Variants in RNF8 observed in about 807,000 individuals in gnomAD.
The protein encoded by RNF8 is E3 ubiquitin-protein ligase RNF8.
In RNF8, 8 loss-of-function variants were observed where a neutral mutation model predicts 59.3. The observed-to-expected ratio is 0.13, with a 90% confidence interval of 0.08 to 0.24. The LOEUF (loss-of-function observed/expected upper bound fraction) is 0.24, where lower values mean the gene tolerates loss of function less well. Among genes scored for constraint, RNF8 ranks in the 10% least tolerant of loss-of-function variants. The probability of loss-of-function intolerance (pLI) is 1.00; values close to 1 mark genes in which losing one functional copy is unlikely to be tolerated. For synonymous variants in RNF8, 162 were observed against 200.0 expected (o/e 0.81, Z 1.60); for missense variants, 406 against 572.6 (o/e 0.71, Z 2.97).
intron 7 of RNF8, among the ~76,000 whole-genome samples, chr6:37,382,366 A>G (rs1047158464): frequency 6.6e-6 from 1 of 152,208 alleles, no homozygotes; most frequent in African/African-American, 2.4e-5. Context: ...GAGAGGCAGT[A>G]GCACAAGCAA....
rs989552869 is a variant in RNF8 at position 37,359,922 on chromosome 6, A to G, written c.112-524A>G. 1.1e-4 allele frequency among the ~76,000 whole-genome samples: 16 copies of G among 152,380 alleles called. No individual in the cohort carries two copies. In the South Asian group the frequency reaches 2.7e-3, roughly 26 times the overall value. ...GCCCATCCCCTGGGAGTTAAGTTGA[A>G]GTAACTGGGAATACAGAACCAGGAA... On this transcript the variant is annotated intron_variant, in intron 1 of 7. Coordinates refer to ENST00000373479, the MANE Select transcript of RNF8 (RefSeq NM_003958.4).
At chr6:37,363,408 A>G (rs1769406225) in intron 2 of RNF8, among the ~76,000 whole-genome samples, 1 of 152,258 alleles carries the variant, frequency 6.6e-6, no homozygotes, top group Non-Finnish European at 1.5e-5. Context: ...TGAAGGGTTT[A>G]TACTGAGGTA....
chr6:37,363,899 G>A (rs1277544978), intron 2 of RNF8, among the ~76,000 whole-genome samples: 1 of 152,072 alleles, frequency 6.6e-6, no homozygotes, highest in East Asian at 1.9e-4. Context: ...GTGAAAGAAG[G>A]CTGGGCGCTG....
At chr6:37,372,710 C>G (rs1223005490) in intron 4 of RNF8, among the ~76,000 whole-genome samples, 1 of 152,246 alleles carries the variant, frequency 6.6e-6, no homozygotes, top group Non-Finnish European at 1.5e-5. Context: ...TGGCTCACGC[C>G]TGTAATCCCG....
chr6:37,370,188 C>G (rs934086692), intron 3 of RNF8: 29 of 152,176 alleles, frequency 1.9e-4, no homozygotes, highest in Admixed American at 1.9e-3. Flanking sequence ...TGGCTTATTT[C>G]TGAGCAATTT....
chr6:37,354,690 G>A (rs2113810839), intron 1 of RNF8, among the ~76,000 whole-genome samples: 1 of 151,704 alleles, frequency 6.6e-6, no homozygotes, highest in East Asian at 2.0e-4. Flanking sequence ...GGACGCGCAG[G>A]GAACGTGAGG....
Position 37,368,473 on chromosome 6 carries a change from A to G in RNF8, c.241-11A>G, listed in dbSNP as rs1240955795. On this transcript the variant is annotated splice_polypyrimidine_tract_variant and intron_variant, in intron 2 of 7. Coordinates refer to ENST00000373479, the MANE Select transcript of RNF8 (RefSeq NM_003958.4). The stretch of plus-strand genomic sequence containing the variant: ...ATGAAGCTTATTTCTTCTTTCTTTC[A>G]CTTTCCCCAGAGTCTAAATGGTGTT... 3.1e-6 allele frequency: 5 copies of G among 1,614,054 alleles called. No individual in the cohort carries two copies. Among genetic ancestry groups the G allele is most frequent in the Non-Finnish European group, 4.2e-6 (5 of 1,180,034 alleles).
At chr6:37,381,378 C>A (rs372977706) in intron 7 of RNF8, 24 bp downstream of exon 7, 468 of 1,599,972 alleles carry the variant, frequency 2.9e-4, no homozygotes, top group Non-Finnish European at 3.9e-4. Context: ...AGAATTCCTA[C>A]CCCTCAAGAA....
At position 37,365,111 on chromosome 6, in the gene RNF8, A is replaced by C. The variant is rs1400552408; in HGVS notation, c.241-3373A>C. ...TATTCACCAAAAACTGGGAAAAAAA[A>C]CAACTAGGGAATGGATAAACTGTGC... On this transcript the variant is annotated intron_variant, in intron 2 of 7. Coordinates refer to ENST00000373479, the MANE Select transcript of RNF8 (RefSeq NM_003958.4). Among the ~76,000 whole-genome samples the C allele has an allele frequency of 2.0e-5, 3 of 152,300 alleles. No homozygotes were observed. In the East Asian group the frequency reaches 5.8e-4, roughly 29 times the overall value.
intron 5 of RNF8, among the ~76,000 whole-genome samples, chr6:37,375,075 A>T (rs1196224461): frequency 6.6e-6 from 1 of 152,256 alleles, no homozygotes; most frequent in Non-Finnish European, 1.5e-5. Context: ...TGAATTACTT[A>T]ATGCAGTTTC....
At chr6:37,367,063 C>G (rs770293940) in intron 2 of RNF8, among the ~76,000 whole-genome samples, 3 of 152,206 alleles carry the variant, frequency 2.0e-5, no homozygotes, top group Non-Finnish European at 4.4e-5. Context: ...ATTTACCTTG[C>G]GTGACATTGA....
intron 7 of RNF8, among the ~76,000 whole-genome samples, chr6:37,388,814 T>A (rs190688800): frequency 2.4e-4 from 36 of 151,980 alleles, no homozygotes; most frequent in Middle Eastern, 3.4e-3. Context: ...ATGCCTGTGA[T>A]CCCACCTACT....
rs759781395 is a variant in RNF8 at position 37,377,029 on chromosome 6, T to C, written c.1232T>C (p.Ile411Thr). The change falls in exon 6 of 8, where the codon ATT becomes ACT. Residue 411 changes from isoleucine to threonine, a missense_variant. Physicochemically the swap from Ile to Thr is moderately conservative, Grantham distance 89 (BLOSUM62 -1). Transcript: ENST00000373479. ...TGTATTATTTGTTCAGAATACTTCA[T>C]TGAGGTAATTATGAACAGTTGCTCA... ...LQCIICSEYF[I>T]EAVTLNCAHS... 1.3e-6 allele frequency: 2 copies of C among 1,528,982 alleles called. No individual in the cohort carries two copies. Among genetic ancestry groups the C allele is most frequent in the South Asian group, 2.2e-5 (2 of 89,236 alleles). 94.7% of individuals were successfully genotyped at this position (1,528,982 alleles called of 1,614,324 possible).
chr6:37,354,231 G>A lies in RNF8; in HGVS notation c.67G>A (p.Val23Met). Residue 23 changes from valine (V) to methionine (M), a missense_variant, in exon 1 of 8, where the codon GTG becomes ATG. By Grantham distance (21) the Val-to-Met change is conservative (BLOSUM62 1). Transcript: ENST00000373479. ...AGGRSWCLRR[V>M]GMSAGWLLLE... The stretch of plus-strand genomic sequence containing the variant: ...TGGCCGGAGCTGGTGCCTGCGGCGG[G>A]TGGGGATGAGCGCCGGGTGGCTGCT... The A allele has an allele frequency of 6.3e-7, 1 of 1,575,286 alleles. No individual in the cohort carries two copies. The highest frequency in any genetic ancestry group is 1.2e-5 in the South Asian group (1 of 86,258).
chr6:37,376,789 C>G, intron 5 of RNF8, 137 bp from the exon 6 acceptor site: 2 of 629,164 alleles, frequency 3.2e-6, no homozygotes, highest in Admixed American at 2.7e-5. Flanking sequence ...GGAAAGTGTT[C>G]TATTCTTAAT....
rs574336487 is a variant in RNF8 at position 37,354,420 on chromosome 6, G to C, written c.111+145G>C. 300 of 685,134 alleles carry C rather than the reference G, an allele frequency of 4.4e-4. 4 individuals are homozygous for C. The East Asian group carries it at 7.5e-3, about 17-fold the overall frequency. 42.4% of individuals were successfully genotyped at this position (685,134 alleles called of 1,614,324 possible). On this transcript the variant is annotated intron_variant, in intron 1 of 7. Coordinates refer to ENST00000373479, the MANE Select transcript of RNF8 (RefSeq NM_003958.4). Reference sequence around the variant, plus strand: ...AGAGGAGCGAAGTGTCTGTGGGGGGGGTGGATTCCTGGGGAGAGAAGGGAG... The same window carrying C: ...AGAGGAGCGAAGTGTCTGTGGGGGGCGTGGATTCCTGGGGAGAGAAGGGAG...
In RNF8 at chr6:37,360,343, TAA is replaced by T; in HGVS notation, c.112-102_112-101del. 7.1e-7 allele frequency: 1 copy of T among 1,408,386 alleles called. No individual in the cohort carries two copies. Among genetic ancestry groups the T allele is most frequent in the Non-Finnish European group, 9.9e-7 (1 of 1,006,490 alleles). 87.2% of individuals were successfully genotyped at this position (1,408,386 alleles called of 1,614,324 possible). The stretch of plus-strand genomic sequence containing the variant: ...TTGGTTCCACAGGTGTCTGGTTTCT[TAA>T]GTCAGGACCTGCATATGCTGCTGGT... On this transcript the variant is annotated intron_variant, in intron 1 of 7. Coordinates refer to ENST00000373479, the MANE Select transcript of RNF8 (RefSeq NM_003958.4). The surrounding 1 kb of genome is among the most constrained non-coding windows in gnomAD (Gnocchi z 4.2).
chr6:37,378,125 C>T (rs1416549710), intron 6 of RNF8, among the ~76,000 whole-genome samples: 2 of 152,082 alleles, frequency 1.3e-5, no homozygotes, highest in Non-Finnish European at 2.9e-5. Flanking sequence ...GAAACACCAT[C>T]TCTACTAAAA....
At chr6:37,381,719 C>G (rs1770271410) in intron 7 of RNF8, among the ~76,000 whole-genome samples, 1 of 152,110 alleles carries the variant, frequency 6.6e-6, no homozygotes, top group Non-Finnish European at 1.5e-5. Flanking sequence ...GTTGAAAAAA[C>G]CTTGAGTTAA....
Sources: gnomAD v4.1 joint callset for allele counts (sites outside exome capture counted in the v4.1 genomes callset) on GRCh38, gnomAD v4.1.1 for gene constraint, Gnocchi (gnomAD v3.1) non-coding constraint, MANE v1.5 for transcripts, NCBI Gene and HGNC (gene_info 2026-07-23, HGNC 2026-07-21) for gene names.